Variants in FAM163A observed in about 807,000 individuals in gnomAD.
FAM163A encodes protein FAM163A.
Under a neutral mutation model 12.0 loss-of-function variants are expected in FAM163A, and 7 were observed. The observed-to-expected ratio is 0.58, with a 90% CI of 0.33 to 1.10. The LOEUF (loss-of-function observed/expected upper bound fraction) is 1.10. Among genes scored for constraint, FAM163A ranks in the 50% least tolerant of loss-of-function variants. FAM163A has a pLI of 0.03. For missense variants in FAM163A, 202 were observed against 218.6 expected (o/e 0.92, Z 0.48); for synonymous variants, 101 against 91.0 (o/e 1.11, Z -0.62).
At chr1:179,767,437 A>G (rs1687658528) in intron 1 of FAM163A, among the ~76,000 whole-genome samples, 1 of 151,896 alleles carries the variant, frequency 6.6e-6, no homozygotes, top group Non-Finnish European at 1.5e-5. Flanking sequence ...TGCACTTTTA[A>G]TCTCCCACAC....
chr1:179,748,846 G>A (rs1684873490), intron 1 of FAM163A, among the ~76,000 whole-genome samples: 1 of 152,222 alleles, frequency 6.6e-6, no homozygotes, highest in African/African-American at 2.4e-5. Context: ...GTAGAATACA[G>A]AGTGTTTTAA....
chr1:179,776,676 A>T lies in FAM163A; in HGVS notation c.-135-31122A>T, dbSNP rs930635395. On this transcript the variant is annotated intron_variant, in intron 1 of 4. Coordinates refer to ENST00000341785, the MANE Select transcript of FAM163A (RefSeq NM_173509.3). ...CTGCCTGGTCGACTGTCAAATTGCG[A>T]AATGGTCTTTAATTGGCAATATGGA... Among the ~76,000 whole-genome samples, 7 of 152,308 alleles carry T rather than the reference A, an allele frequency of 4.6e-5. No homozygotes were observed. The South Asian group carries it at 1.2e-3, about 27-fold the overall frequency.
intron 1 of FAM163A, among the ~76,000 whole-genome samples, chr1:179,749,563 A>G (rs1684973929): frequency 6.6e-6 from 1 of 152,212 alleles, no homozygotes; most frequent in African/African-American, 2.4e-5. Flanking sequence ...TAAAATAACT[A>G]AAAATAGGCC....
chr1:179,760,011 C>A (rs1686592903), intron 1 of FAM163A, among the ~76,000 whole-genome samples: 1 of 152,070 alleles, frequency 6.6e-6, no homozygotes, highest in African/African-American at 2.4e-5. Flanking sequence ...AAGAGTAATC[C>A]AAATGTTCGT....
At chr1:179,740,618 A>G (rs920344680), upstream of FAM163A, among the ~76,000 whole-genome samples, 1 of 152,204 alleles carries the variant, frequency 6.6e-6, no homozygotes, top group Non-Finnish European at 1.5e-5. Context: ...AAGGTTACAT[A>G]TATTGATACG....
chr1:179,776,496 A>G (rs906833075), intron 1 of FAM163A, among the ~76,000 whole-genome samples: 2 of 151,958 alleles, frequency 1.3e-5, no homozygotes, highest in African/African-American at 4.8e-5. Context: ...ATTTCAAAAA[A>G]AAAAAAAACA....
In FAM163A at chr1:179,806,724, C is replaced by G. The variant is rs1014496593; in HGVS notation, c.-135-1074C>G. Among the ~76,000 whole-genome samples, 34 of 152,360 alleles carry G rather than the reference C, an allele frequency of 2.2e-4. 1 individual carries two copies. Among genetic ancestry groups the G allele is most frequent in the Middle Eastern group, 3.4e-3 (1 of 294 alleles). ...TCCTCTGAGCCAGGGCTGAGCATCA[C>G]CCCTACAGGGCATCCCTCCTCTCCC... On this transcript the variant is annotated intron_variant, in intron 1 of 4. Coordinates refer to ENST00000341785, the MANE Select transcript of FAM163A (RefSeq NM_173509.3).
chr1:179,784,196 G>A (rs890102220), intron 1 of FAM163A, among the ~76,000 whole-genome samples: 1 of 152,138 alleles, frequency 6.6e-6, no homozygotes, highest in African/African-American at 2.4e-5. Context: ...ATCATCTTGG[G>A]CCTTCCAGAA....
chr1:179,747,082 G>C (rs891775487), intron 1 of FAM163A, among the ~76,000 whole-genome samples: 1 of 151,748 alleles, frequency 6.6e-6, no homozygotes, highest in African/African-American at 2.4e-5. Flanking sequence ...ACTGTGACTG[G>C]ACATCAGAAA....
chr1:179,736,686 T>A, the FAM163A span, among the ~76,000 whole-genome samples: 1 of 152,002 alleles, frequency 6.6e-6, no homozygotes, highest in South Asian at 2.1e-4. Flanking sequence ...GGTGGCAGCC[T>A]GTAATCCCAG....
chr1:179,763,012 T>C (rs1687019526), intron 1 of FAM163A, among the ~76,000 whole-genome samples: 1 of 152,196 alleles, frequency 6.6e-6, no homozygotes, highest in Non-Finnish European at 1.5e-5. Context: ...ACATGGGAGA[T>C]ACTTAGGGAA....
Position 179,814,215 on chromosome 1 carries a change from C to T in FAM163A, c.*26C>T, listed in dbSNP as rs1269927061. Reference sequence around the variant, plus strand: ...ATCCTTCCACCCCGACCCGCACACACACCCACACTGCTGCCCTGGCGGGGG... The same window carrying T: ...ATCCTTCCACCCCGACCCGCACACATACCCACACTGCTGCCCTGGCGGGGG... On this transcript the variant is annotated 3_prime_UTR_variant, in exon 5 of 5. Coordinates refer to ENST00000341785, the MANE Select transcript of FAM163A (RefSeq NM_173509.3). 1 of 1,573,342 alleles carries T rather than the reference C, an allele frequency of 6.4e-7. No homozygotes were observed. Among genetic ancestry groups the T allele is most frequent in the East Asian group, 2.3e-5 (1 of 44,280 alleles).
chr1:179,807,793 G>C lies in FAM163A; in HGVS notation c.-135-5G>C, dbSNP rs560767937. On this transcript the variant is annotated splice_region_variant and splice_polypyrimidine_tract_variant and intron_variant, in intron 1 of 4. Coordinates refer to ENST00000341785, the MANE Select transcript of FAM163A (RefSeq NM_173509.3). ...TCATGAGCCTTTCCTTCTCTTCTCT[G>C]GCAGGGACTGATGCCCTTGGCCAGA... 6.6e-6 allele frequency: 1 copy of C among 152,478 alleles called. No individual in the cohort carries two copies. The highest frequency in any genetic ancestry group is 2.1e-4 in the South Asian group (1 of 4,822). The allele number at this position is 152,478 out of a possible 1,614,324, so 9.4% of individuals were successfully genotyped here. A position where few individuals can be genotyped will look rare whatever the true frequency, so the allele number is the denominator to read the frequency against.
chr1:179,792,326 T>TGG (rs1553225140), intron 1 of FAM163A, among the ~76,000 whole-genome samples: 1 of 143,802 alleles, frequency 7.0e-6, no homozygotes, highest in Non-Finnish European at 1.5e-5. Context: ...TGTGTGTGTG[T>TGG]GGAGATTGGG....
chr1:179,775,559 T>C (rs756878984), intron 1 of FAM163A, among the ~76,000 whole-genome samples: 2 of 152,216 alleles, frequency 1.3e-5, no homozygotes, highest in Non-Finnish European at 2.9e-5. Flanking sequence ...CAATATCCCC[T>C]GTCAAAGCCC....
At chr1:179,785,920 C>T (rs796951591) in intron 1 of FAM163A, among the ~76,000 whole-genome samples, 5 of 152,272 alleles carry the variant, frequency 3.3e-5, no homozygotes, top group African/African-American at 1.2e-4. Context: ...TATAATGCTG[C>T]AGTGAACATC....
chr1:179,796,132 T>TACACACACACACACACACAC (rs35899165), intron 1 of FAM163A, among the ~76,000 whole-genome samples: 14 of 145,378 alleles, frequency 9.6e-5, no homozygotes, highest in African/African-American at 3.3e-4. Context: ...CATTCAATAA[T>TACACACACACACACACACAC]ACACACACAC....
chr1:179,775,483 C>G (rs1158444448), intron 1 of FAM163A, among the ~76,000 whole-genome samples: 1 of 152,190 alleles, frequency 6.6e-6, no homozygotes, highest in Non-Finnish European at 1.5e-5. Flanking sequence ...CAATTTAGTT[C>G]TAAGAAGTCA....
At chr1:179,743,125 G>T (rs1269220162), upstream of FAM163A, 1 of 152,344 alleles carries the variant, frequency 6.6e-6, no homozygotes, top group African/African-American at 2.4e-5. Context: ...TTTGGAAGGC[G>T]CCCGTTGCGC....
Sources: gnomAD v4.1 joint callset for allele counts (sites outside exome capture counted in the v4.1 genomes callset) on GRCh38, gnomAD v4.1.1 for gene constraint, MANE v1.5 for transcripts, NCBI Gene and HGNC (gene_info 2026-07-23, HGNC 2026-07-21) for gene names.